PIK3C2G: variants seen among roughly 807,000 people sequenced by gnomAD.
PIK3C2G encodes phosphatidylinositol 3-kinase C2 domain-containing subunit gamma.
A neutral mutation model predicts 181.1 loss-of-function variants in PIK3C2G; 168 were observed. That is an observed-to-expected ratio of 0.93 (90% CI 0.82 to 1.05). The LOEUF is 1.05. PIK3C2G is among the 50% of genes least tolerant of loss of function. PIK3C2G has a pLI of 0.00. For missense variants in PIK3C2G, 1,869 were observed against 1,732.8 expected, an observed-to-expected ratio of 1.08 and a Z score of -1.40; for synonymous variants, 573 against 592.2, an observed-to-expected ratio of 0.97 and a Z score of 0.47.
At chr12:18,517,004 T>C (rs944007455) in intron 24 of PIK3C2G, among the ~76,000 whole-genome samples, 6 of 151,508 alleles carry the variant, frequency 4.0e-5, no homozygotes, top group Admixed American at 1.3e-4. Context: ...TTGATGTTGT[T>C]TTTCTTTTTT....
intron 1 of PIK3C2G, among the ~76,000 whole-genome samples, chr12:18,253,486 T>C (rs1350768326): frequency 6.6e-6 from 1 of 152,172 alleles, no homozygotes; most frequent in African/African-American, 2.4e-5. Context: ...TGTATATATA[T>C]GCACAGATAT....
chr12:18,483,809 C>T (rs1404775290), intron 18 of PIK3C2G, among the ~76,000 whole-genome samples: 1 of 152,052 alleles, frequency 6.6e-6, no homozygotes, highest in Non-Finnish European at 1.5e-5. Context: ...CAAATAGCCC[C>T]ACAGTTTCAG....
intron 30 of PIK3C2G, 44 bp from the exon 31 acceptor site, chr12:18,609,491 A>T: frequency 1.8e-6 from 2 of 1,122,290 alleles, no homozygotes; most frequent in Non-Finnish European, 2.6e-6. Context: ...TCCTGTGCTG[A>T]GCTTTTTCCA....
At chr12:18,552,054 G>A (rs7956398) in intron 26 of PIK3C2G, among the ~76,000 whole-genome samples, 2,985 of 152,174 alleles carry the variant, frequency 0.02, 84 homozygotes, top group African/African-American at 0.068. Flanking sequence ...TGTGAGGGAA[G>A]TCTTAGGAGG....
intron 18 of PIK3C2G, among the ~76,000 whole-genome samples, chr12:18,451,890 T>C (rs1405373578): frequency 1.3e-5 from 2 of 152,240 alleles, no homozygotes; most frequent in Non-Finnish European, 2.9e-5. Context: ...TTTGCGTATG[T>C]TGAACCAGCC....
At chr12:18,570,966 T>C in intron 29 of PIK3C2G, among the ~76,000 whole-genome samples, 1 of 150,874 alleles carries the variant, frequency 6.6e-6, no homozygotes, top group East Asian at 1.9e-4. Flanking sequence ...AGAGATTCAC[T>C]ACAGATGGCT....
At chr12:18,649,621 A>G (rs115489120), downstream of PIK3C2G, among the ~76,000 whole-genome samples, 3,297 of 151,988 alleles carry the variant, frequency 0.022, 117 homozygotes, top group African/African-American at 0.075. Flanking sequence ...CTCACCTCCA[A>G]TTTTCTCTTA....
At chr12:18,425,408 T>A (rs1185881762) in intron 18 of PIK3C2G, among the ~76,000 whole-genome samples, 1 of 146,314 alleles carries the variant, frequency 6.8e-6, no homozygotes, top group Non-Finnish European at 1.5e-5. Context: ...TTTTTTTTTT[T>A]TTGAGTCGGA....
chr12:18,303,126 C>CTT (rs1008687429), intron 5 of PIK3C2G, among the ~76,000 whole-genome samples: 15 of 109,384 alleles, frequency 1.4e-4, no homozygotes, highest in African/African-American at 3.9e-4. Context: ...TTCTTTCTTT[C>CTT]TTTCTTTCTT....
chr12:18,544,897 T>C (rs1944343160), intron 25 of PIK3C2G, among the ~76,000 whole-genome samples: 2 of 151,948 alleles, frequency 1.3e-5, no homozygotes, highest in Admixed American at 6.6e-5. Context: ...TTTTCTCAAT[T>C]CTACTTCCTA....
intron 3 of PIK3C2G, among the ~76,000 whole-genome samples, chr12:18,287,890 G>A (rs967363963): frequency 3.3e-5 from 5 of 150,908 alleles, no homozygotes; most frequent in African/African-American, 9.8e-5. Context: ...GGCTGGGCAC[G>A]GTGGCTCACG....
intron 31 of PIK3C2G, among the ~76,000 whole-genome samples, chr12:18,627,954 A>G (rs1949177240): frequency 6.6e-6 from 1 of 152,208 alleles, no homozygotes; most frequent in South Asian, 2.1e-4. Flanking sequence ...AACCTATTAA[A>G]TACAATTAAG....
intron 24 of PIK3C2G, among the ~76,000 whole-genome samples, chr12:18,515,079 A>C (rs1326951133): frequency 1.3e-5 from 2 of 152,042 alleles, no homozygotes; most frequent in African/African-American, 4.8e-5. Flanking sequence ...CATCTCTGAT[A>C]TAAATCCCAC....
At chr12:18,608,164 C>G (rs1268780292) in intron 30 of PIK3C2G, among the ~76,000 whole-genome samples, 1 of 152,124 alleles carries the variant, frequency 6.6e-6, no homozygotes, top group Non-Finnish European at 1.5e-5. Context: ...CCTCAAGGAT[C>G]TAGAACTAGA....
chr12:18,245,454 T>A (rs1948030078), upstream of PIK3C2G, among the ~76,000 whole-genome samples: 1 of 151,100 alleles, frequency 6.6e-6, no homozygotes, highest in Admixed American at 6.6e-5. Flanking sequence ...TTACTTCATT[T>A]AAAAAATCTG....
At chr12:18,267,367 T>G (rs1565534421) in intron 1 of PIK3C2G, among the ~76,000 whole-genome samples, 1 of 152,142 alleles carries the variant, frequency 6.6e-6, no homozygotes, top group African/African-American at 2.4e-5. Context: ...TTTCTTAATT[T>G]TATAGATCAC....
At chr12:18,349,925 T>C (rs1333046820) in intron 11 of PIK3C2G, among the ~76,000 whole-genome samples, 1 of 152,146 alleles carries the variant, frequency 6.6e-6, no homozygotes, top group Non-Finnish European at 1.5e-5. Flanking sequence ...ATCCCTTGAA[T>C]AGAGAAATGT....
At chr12:18,605,541 C>G (rs1420402863) in intron 30 of PIK3C2G, among the ~76,000 whole-genome samples, 1 of 152,100 alleles carries the variant, frequency 6.6e-6, no homozygotes. Flanking sequence ...ATGAAGCCAG[C>G]ATTATGCTAA....
At chr12:18,559,854 A>AGAGAGAGG (rs1945254700) in intron 26 of PIK3C2G, among the ~76,000 whole-genome samples, 1 of 135,348 alleles carries the variant, frequency 7.4e-6, no homozygotes, top group Non-Finnish European at 1.6e-5. Context: ...AGAGAGAGAG[A>AGAGAGAGG]GAGAGAGAGA....
Sources: gnomAD v4.1 joint callset for allele counts (sites outside exome capture counted in the v4.1 genomes callset) on GRCh38, gnomAD v4.1.1 for gene constraint, MANE v1.5 for transcripts, NCBI Gene and HGNC (gene_info 2026-07-23, HGNC 2026-07-21) for gene names.